CMTM4: variants seen among roughly 807,000 people sequenced by gnomAD.
CMTM4 encodes the protein CKLF-like MARVEL transmembrane domain-containing protein 4.
CMTM4 carries 8 observed loss-of-function variants against 19.0 expected under a neutral mutation model. The observed-to-expected ratio is 0.42, with a 90% CI of 0.25 to 0.76. The LOEUF is 0.76. CMTM4 is among the 30% of genes least tolerant of loss of function. The probability of loss-of-function intolerance (pLI) is 0.27; values close to 1 mark genes in which losing one functional copy is unlikely to be tolerated. For synonymous variants in CMTM4, 106 were observed against 121.1 expected (o/e 0.88, Z 0.82); for missense variants, 228 against 290.2 (o/e 0.79, Z 1.56).
At chr16:66,630,813 G>T (rs561515021) in intron 2 of CMTM4, among the ~76,000 whole-genome samples, 2 of 151,606 alleles carry the variant, frequency 1.3e-5, no homozygotes, top group Non-Finnish European at 2.9e-5. Context: ...GGAAAGTGAG[G>T]AGCATCTCTG....
intron 1 of CMTM4, among the ~76,000 whole-genome samples, chr16:66,660,280 T>C (rs2016476562): frequency 6.6e-6 from 1 of 150,966 alleles, no homozygotes; most frequent in Non-Finnish European, 1.5e-5. Context: ...CTCAGCCTCT[T>C]GGAAGGCAGA....
intron 2 of CMTM4, among the ~76,000 whole-genome samples, chr16:66,629,846 C>G (rs1385866140): frequency 1.3e-5 from 2 of 152,306 alleles, no homozygotes; most frequent in South Asian, 2.1e-4. Flanking sequence ...GTCTGGGGAG[C>G]TTCTGAGTGG....
chr16:66,649,251 G>A (rs540165230), intron 1 of CMTM4, among the ~76,000 whole-genome samples: 66 of 152,144 alleles, frequency 4.3e-4, no homozygotes, highest in African/African-American at 1.2e-3. Flanking sequence ...AGGTGGGTGT[G>A]GACATTTGCC....
At chr16:66,679,692 T>C (rs355925) in intron 1 of CMTM4, among the ~76,000 whole-genome samples, 7,401 of 151,836 alleles carry the variant, frequency 0.049, 283 homozygotes, top group Admixed American at 0.11. Flanking sequence ...GGCGTGGTGC[T>C]GGGTGCCTGT....
At chr16:66,689,071 T>C (rs187381566) in intron 1 of CMTM4, among the ~76,000 whole-genome samples, 55 of 152,342 alleles carry the variant, frequency 3.6e-4, no homozygotes, top group Admixed American at 8.5e-4. Context: ...TACCTAATCA[T>C]GCCATATGCG....
At chr16:66,660,924 G>A (rs1475162414) in intron 1 of CMTM4, among the ~76,000 whole-genome samples, 1 of 152,052 alleles carries the variant, frequency 6.6e-6, no homozygotes, top group African/African-American at 2.4e-5. Context: ...CCTGTCTCCG[G>A]AATCGCGTCT....
At chr16:66,645,807 T>C (rs986000579) in intron 1 of CMTM4, among the ~76,000 whole-genome samples, 3 of 151,958 alleles carry the variant, frequency 2.0e-5, no homozygotes, top group Non-Finnish European at 4.4e-5. Flanking sequence ...CGTGAAACCC[T>C]GTCTTTACTA....
the CMTM4 span, chr16:66,609,654 A>G: frequency 1.0e-4 from 153 of 1,522,718 alleles, no homozygotes; most frequent in Non-Finnish European, 1.2e-4. This position sits in a 1 kb window ranked among gnomAD's most constrained non-coding sequence, Gnocchi z 4.4. Flanking sequence ...GGTCCCGATG[A>G]TGATTCCAAA....
At chr16:66,672,827 T>C (rs982980102) in intron 1 of CMTM4, among the ~76,000 whole-genome samples, 1 of 149,420 alleles carries the variant, frequency 6.7e-6, no homozygotes, top group African/African-American at 2.5e-5. Flanking sequence ...GAGTTTCATA[T>C]GTCGGCCAGG....
chr16:66,684,857 G>A (rs1272639101), intron 1 of CMTM4, among the ~76,000 whole-genome samples: 5 of 152,094 alleles, frequency 3.3e-5, no homozygotes, highest in Admixed American at 6.6e-5. Flanking sequence ...CTGACAGGCC[G>A]AAGCCATCCC....
At position 66,636,548 on chromosome 16, in the gene CMTM4, T is replaced by C; in HGVS notation, c.220A>G (p.Thr74Ala). 1.2e-6 allele frequency: 2 copies of C among 1,614,098 alleles called. No homozygotes were observed. The highest frequency in any genetic ancestry group is 2.2e-5 in the East Asian group (1 of 44,892). The change falls in exon 2 of 4, where the codon ACC becomes GCC. Residue 74 changes from threonine (T) to alanine (A), a missense_variant. Coordinates refer to ENST00000394106, the MANE Select transcript of CMTM4 (RefSeq NM_181521.3). The stretch of plus-strand genomic sequence containing the variant: ...TCACACGGGGAGCATGCCATGATGG[T>C]CTCTATGCAGATGAATGCAATCAGG... ...LALIAFICIE[T>A]IMACSPCEGL...
chr16:66,683,548 C>G (rs1361651209), intron 1 of CMTM4, among the ~76,000 whole-genome samples: 1 of 151,670 alleles, frequency 6.6e-6, no homozygotes, highest in East Asian at 1.9e-4. Flanking sequence ...GCCTCGGTCT[C>G]CCAAAGTGCT....
chr16:66,598,529 C>T, the CMTM4 span, among the ~76,000 whole-genome samples: 2 of 152,110 alleles, frequency 1.3e-5, no homozygotes, highest in Admixed American at 1.3e-4. Context: ...AACCACCACC[C>T]CAATCAAAAT....
At chr16:66,626,467 C>T (rs1348325730) in intron 2 of CMTM4, among the ~76,000 whole-genome samples, 2 of 152,152 alleles carry the variant, frequency 1.3e-5, no homozygotes, top group Non-Finnish European at 2.9e-5. Flanking sequence ...TAGCCAGGCA[C>T]GGTGGCATGC....
chr16:66,689,418 T>G lies in CMTM4; in HGVS notation c.186+6922A>C, dbSNP rs1460410976. 2.0e-5 allele frequency among the ~76,000 whole-genome samples: 3 copies of G among 152,188 alleles called. No individual in the cohort carries two copies. The East Asian group carries it at 5.8e-4, about 29-fold the overall frequency. ...GATAGAATCATGTGGCTTTGGGTTT[T>G]GTTTTGTTTTTGAGAAACGGTCTCA... On this transcript the variant is annotated intron_variant, in intron 1 of 3. Transcript: ENST00000394106.
chr16:66,600,125 T>TGGGGGGGGG, the CMTM4 span, among the ~76,000 whole-genome samples: 1 of 145,650 alleles, frequency 6.9e-6, no homozygotes, highest in Admixed American at 7.0e-5. Flanking sequence ...TGTGTGTGTG[T>TGGGGGGGGG]GTGTGTGTGT....
chr16:66,604,609 C>G, the CMTM4 span: 1 of 383,224 alleles, frequency 2.6e-6, no homozygotes. Flanking sequence ...GCCCAGCATC[C>G]CCCGCAGCCG....
Position 66,617,820 on chromosome 16 carries a change from G to A in CMTM4, c.*4238C>T, listed in dbSNP as rs1344937736. The A allele has an allele frequency of 2.0e-6, 2 of 993,280 alleles. No individual in the cohort carries two copies. The highest frequency in any genetic ancestry group is 4.5e-5 in the South Asian group (1 of 22,154). The allele number at this position is 993,280 out of a possible 1,614,324, so 61.5% of individuals were successfully genotyped here. A position where few individuals can be genotyped will look rare whatever the true frequency, so the allele number is the denominator to read the frequency against. ...CCACATGTTCCTGAGCCAGATGCCAGGAGCTCACCCACAGGACGGGAAAGA... is the reference window on the plus strand; with the variant it reads ...CCACATGTTCCTGAGCCAGATGCCAAGAGCTCACCCACAGGACGGGAAAGA... On this transcript the variant is annotated 3_prime_UTR_variant, in exon 4 of 4. Transcript: ENST00000394106.
chr16:66,630,914 C>T (rs1230505935), intron 2 of CMTM4, among the ~76,000 whole-genome samples: 2 of 151,156 alleles, frequency 1.3e-5, no homozygotes, highest in African/African-American at 2.4e-5. Context: ...CCCGCCGCCC[C>T]GTCTGGGATG....
Sources: allele counts gnomAD v4.1 joint callset (sites outside exome capture counted in the v4.1 genomes callset), GRCh38; gene constraint gnomAD v4.1.1; non-coding constraint Gnocchi (gnomAD v3.1); transcripts MANE v1.5; gene names NCBI Gene and HGNC (gene_info 2026-07-23, HGNC 2026-07-21).